TCF7L1: variants seen among roughly 807,000 people sequenced by gnomAD.
TCF7L1 encodes transcription factor 7 like 1, also known as transcription factor 7-like 1.
Under a neutral mutation model 63.7 loss-of-function variants are expected in TCF7L1, and 18 were observed. The ratio of observed to expected loss-of-function variants is 0.28; its 90% CI spans 0.20 to 0.42. TCF7L1 has a LOEUF of 0.42. Among genes scored for constraint, TCF7L1 ranks in the 10% least tolerant of loss-of-function variants. The probability of loss-of-function intolerance (pLI) is 1.00; values close to 1 mark genes in which losing one functional copy is unlikely to be tolerated. For missense variants in TCF7L1, 654 were observed against 779.3 expected (o/e 0.84, Z 1.91); for synonymous variants, 355 against 340.9 (o/e 1.04, Z -0.46).
chr2:85,217,525 C>T (rs1679736300), intron 3 of TCF7L1, among the ~76,000 whole-genome samples: 1 of 152,176 alleles, frequency 6.6e-6, no homozygotes, highest in African/African-American at 2.4e-5. Flanking sequence ...GCTCTTCAGC[C>T]ATACAGACTC....
intron 6 of TCF7L1, 82 bp downstream of exon 6, chr2:85,304,079 G>A (rs920215198): frequency 7.9e-7 from 1 of 1,270,988 alleles, no homozygotes; most frequent in Non-Finnish European, 1.1e-6. Context: ...CCTGCACAGT[G>A]GAGCCCCCTC....
At chr2:85,202,571 A>G (rs969059033) in intron 3 of TCF7L1, among the ~76,000 whole-genome samples, 3 of 152,216 alleles carry the variant, frequency 2.0e-5, no homozygotes, top group African/African-American at 7.2e-5. Flanking sequence ...AGATATTTAT[A>G]ATTTCAGTTC....
intron 3 of TCF7L1, among the ~76,000 whole-genome samples, chr2:85,228,354 A>G (rs1680002852): frequency 2.0e-5 from 3 of 152,148 alleles, no homozygotes. Flanking sequence ...CTAGGAGGTC[A>G]AGGCTGCAGT....
At chr2:85,138,622 ACT>A (rs1477576242) in intron 3 of TCF7L1, among the ~76,000 whole-genome samples, 1 of 151,996 alleles carries the variant, frequency 6.6e-6, no homozygotes, top group African/African-American at 2.4e-5. Flanking sequence ...TTGGTGACAA[ACT>A]CTGTAGGGAA....
At chr2:85,177,986 C>T (rs923344460) in intron 3 of TCF7L1, among the ~76,000 whole-genome samples, 45 of 152,118 alleles carry the variant, frequency 3.0e-4, no homozygotes, top group Admixed American at 2.7e-3. Context: ...TTCTGTGGAA[C>T]GGATATAGAG....
chr2:85,188,457 T>C (rs898522534), intron 3 of TCF7L1, among the ~76,000 whole-genome samples: 1 of 152,234 alleles, frequency 6.6e-6, no homozygotes, highest in Non-Finnish European at 1.5e-5. Flanking sequence ...TATAATCATT[T>C]TGAAATAAAA....
intron 3 of TCF7L1, among the ~76,000 whole-genome samples, chr2:85,225,363 TG>T (rs1436204217): frequency 6.6e-5 from 10 of 152,238 alleles, no homozygotes; most frequent in Non-Finnish European, 1.0e-4. Flanking sequence ...TAAATTACCT[TG>T]GGCAGTATGG....
chr2:85,198,807 G>A (rs781150066), intron 3 of TCF7L1, among the ~76,000 whole-genome samples: 2 of 152,170 alleles, frequency 1.3e-5, no homozygotes, highest in Non-Finnish European at 2.9e-5. Flanking sequence ...GCTGCAGTAA[G>A]CTGTGTTTGT....
At chr2:85,236,017 C>A (rs1335397297) in intron 3 of TCF7L1, among the ~76,000 whole-genome samples, 4 of 152,094 alleles carry the variant, frequency 2.6e-5, no homozygotes, top group Admixed American at 1.3e-4. Flanking sequence ...AAAAATTAGC[C>A]AGGCATGGTG....
At chr2:85,215,761 T>TGGGGGGGGGGG (rs1679686440) in intron 3 of TCF7L1, among the ~76,000 whole-genome samples, 1 of 2,038 alleles carries the variant, frequency 4.9e-4, no homozygotes, top group African/African-American at 1.8e-3. Flanking sequence ...GCTGCTGGGG[T>TGGGGGGGGGGG]GGGGGTGGGG....
intron 4 of TCF7L1, among the ~76,000 whole-genome samples, chr2:85,291,173 T>C (rs1681707072): frequency 6.6e-6 from 1 of 152,212 alleles, no homozygotes; most frequent in African/African-American, 2.4e-5. Flanking sequence ...CCATTGGTGT[T>C]CTCTTAGGAA....
intron 3 of TCF7L1, among the ~76,000 whole-genome samples, chr2:85,157,407 GGTTATT>G (rs1678174621): frequency 6.6e-6 from 1 of 152,204 alleles, no homozygotes; most frequent in African/African-American, 2.4e-5. Context: ...AGTAGGAACT[GGTTATT>G]CATCCTTTAC....
At chr2:85,205,535 T>TTC (rs1307934630) in intron 3 of TCF7L1, among the ~76,000 whole-genome samples, 3,561 of 111,222 alleles carry the variant, frequency 0.032, 155 homozygotes, top group African/African-American at 0.12. Context: ...TCAGCCCACA[T>TTC]TGTTTTTTTT....
intron 11 of TCF7L1, among the ~76,000 whole-genome samples, chr2:85,308,414 C>CCCCTCCCTCCCT (rs1682176685): frequency 8.9e-6 from 1 of 112,932 alleles, no homozygotes; most frequent in African/African-American, 5.1e-5. Flanking sequence ...CCTCCCTTTC[C>CCCCTCCCTCCCT]CCTTCCCTCC....
chr2:85,285,175 G>A (rs533136947), intron 4 of TCF7L1, among the ~76,000 whole-genome samples: 204 of 152,254 alleles, frequency 1.3e-3, no homozygotes, highest in Admixed American at 3.2e-3. Flanking sequence ...GGAGCTGATA[G>A]TGAGCCGAGA....
At chr2:85,158,592 G>T (rs1209809108) in intron 3 of TCF7L1, among the ~76,000 whole-genome samples, 1 of 152,198 alleles carries the variant, frequency 6.6e-6, no homozygotes, top group Non-Finnish European at 1.5e-5. Context: ...CCAAAATCAT[G>T]ATAGCTCAGG....
intron 3 of TCF7L1, among the ~76,000 whole-genome samples, chr2:85,181,060 G>A (rs747349661): frequency 9.9e-5 from 15 of 152,198 alleles, no homozygotes; most frequent in Non-Finnish European, 2.1e-4. Flanking sequence ...GGAGGCTGGT[G>A]GGTTCAGGTT....
At chr2:85,271,072 A>G (rs949279761) in intron 3 of TCF7L1, among the ~76,000 whole-genome samples, 3 of 151,978 alleles carry the variant, frequency 2.0e-5, no homozygotes, top group Non-Finnish European at 4.4e-5. Flanking sequence ...CCTATATTCT[A>G]GTGCCAGTGT....
chr2:85,227,314 T>C (rs1240473561), intron 3 of TCF7L1, among the ~76,000 whole-genome samples: 2 of 152,142 alleles, frequency 1.3e-5, no homozygotes, highest in South Asian at 2.1e-4. Flanking sequence ...CCTCAGGCCT[T>C]GGCGACCTGT....
Sources: allele counts gnomAD v4.1 joint callset (sites outside exome capture counted in the v4.1 genomes callset), GRCh38; gene constraint gnomAD v4.1.1; transcripts MANE v1.5; gene names NCBI Gene and HGNC (gene_info 2026-07-23, HGNC 2026-07-21).